HJURP: variants seen among roughly 807,000 people sequenced by gnomAD.
The protein encoded by HJURP is Holliday junction recognition protein.
Under a neutral mutation model 72.0 loss-of-function variants are expected in HJURP, and 49 were observed. That is an observed-to-expected ratio of 0.68 (90% CI 0.54 to 0.86). HJURP has a LOEUF of 0.86. HJURP is among the 40% of genes least tolerant of loss of function. The pLI, the probability that HJURP is intolerant of heterozygous loss-of-function variation, is 0.00. For synonymous variants in HJURP, 357 were observed against 347.1 expected (o/e 1.03, Z -0.32); for missense variants, 908 against 936.3 (o/e 0.97, Z 0.39).
intron 4 of HJURP, 46 bp from the exon 5 acceptor site, chr2:233,847,507 G>A (rs769590620): frequency 5.9e-6 from 9 of 1,519,194 alleles, no homozygotes; most frequent in Non-Finnish European, 8.2e-6. Flanking sequence ...TCAGGAAGGA[G>A]TGCATTTTCC....
intron 7 of HJURP, 31 bp downstream of exon 7, chr2:233,844,174 A>G (rs748715097): frequency 6.3e-7 from 1 of 1,593,876 alleles, no homozygotes; most frequent in South Asian, 1.1e-5. Context: ...GGAAACACGC[A>G]CTGTTCATAC....
chr2:233,844,004 G>A (rs1425135724), intron 7 of HJURP, among the ~76,000 whole-genome samples: 3 of 152,212 alleles, frequency 2.0e-5, no homozygotes, highest in Non-Finnish European at 2.9e-5. Context: ...GGAATAAAGA[G>A]CAGACGTGGA....
intron 7 of HJURP, among the ~76,000 whole-genome samples, chr2:233,843,791 T>G (rs1705289249): frequency 6.6e-6 from 1 of 152,200 alleles, no homozygotes; most frequent in African/African-American, 2.4e-5. Context: ...TAAAGGAGAA[T>G]TAGCCGATTT....
intron 8 of HJURP, among the ~76,000 whole-genome samples, chr2:233,837,952 A>G (rs1049212506): frequency 6.6e-6 from 1 of 152,248 alleles, no homozygotes; most frequent in Non-Finnish European, 1.5e-5. Flanking sequence ...CTAAGACTTA[A>G]GCTACTTTTC....
chr2:233,841,460 C>T lies in HJURP; in HGVS notation c.1320G>A (p.Gln440=). The T allele has an allele frequency of 6.2e-7, 1 of 1,614,176 alleles. No individual in the cohort carries two copies. Among genetic ancestry groups the T allele is most frequent in the Non-Finnish European group, 8.5e-7 (1 of 1,180,038 alleles). Residue 440 remains glutamine, a synonymous_variant, in exon 8 of 9, where the codon CAG becomes CAA. Coordinates refer to ENST00000411486, the MANE Select transcript of HJURP (RefSeq NM_018410.5). ...RQREIEIRFD[Q]LHREYCLSPR... Reference sequence around the variant, plus strand: ...GACTCAGGCAATATTCCCGATGAAGCTGATCAAATCGGATTTCAATCTCCC... The same window carrying T: ...GACTCAGGCAATATTCCCGATGAAGTTGATCAAATCGGATTTCAATCTCCC...
chr2:233,848,893 C>T (rs1272178855), intron 4 of HJURP, among the ~76,000 whole-genome samples: 5 of 152,034 alleles, frequency 3.3e-5, no homozygotes, highest in Non-Finnish European at 7.3e-5. Context: ...CTTGGAAGGA[C>T]GAAGACAGAA....
chr2:233,840,961 C>A lies in HJURP; in HGVS notation c.1819G>T (p.Val607Leu). ...TCCATACTTGCTTTATCTGTAGACA[C>A]TCCAATACATAAAGGCACTGTCATC... is the stretch of plus-strand genomic sequence containing the variant. ...GQMTVPLCIGVSTDKASMEVR... is the reference protein window; with the variant it reads ...GQMTVPLCIGLSTDKASMEVR... Residue 607 changes from valine to leucine, a missense_variant, in exon 8 of 9, where the codon GTG becomes TTG. By Grantham distance (32) the Val-to-Leu change is conservative (BLOSUM62 1). Transcript: ENST00000411486. 1 of 1,614,168 alleles carries A rather than the reference C, an allele frequency of 6.2e-7. No individual in the cohort carries two copies. The highest frequency in any genetic ancestry group is 8.5e-7 in the Non-Finnish European group (1 of 1,180,024).
chr2:233,853,879 A>G lies in HJURP; in HGVS notation c.149T>C (p.Val50Ala). The G allele has an allele frequency of 6.2e-7, 1 of 1,614,046 alleles. No homozygotes were observed. Among genetic ancestry groups the G allele is most frequent in the Non-Finnish European group, 8.5e-7 (1 of 1,179,958 alleles). The change falls in exon 2 of 9, where the codon GTG (valine) becomes GCG (alanine). Residue 50 changes from valine to alanine, a missense_variant. This residue lies in a region of HJURP where 299 missense variants were observed against 286.7 expected (regional missense o/e 1.04). Transcript: ENST00000411486. ...YNQPFEDTPV[V>A]QMATLTYETP... ...CTCGTAGGTCAGCGTGGCCATTTGC[A>G]CCACCGGGGTGTCCTCGAAGGGCTG... is the stretch of plus-strand genomic sequence containing the variant.
In HJURP at chr2:233,841,420, G is replaced by A. The variant is rs770064280; in HGVS notation, c.1360C>T (p.Arg454Cys). The A allele has an allele frequency of 1.2e-5, 19 of 1,614,018 alleles. No individual in the cohort carries two copies. The East Asian group carries it at 1.6e-4, about 13-fold the overall frequency. ...CAGGAGTCCGGGAGGCACATCCGGC[G>A]AGGCTGGTTCCTGGGACTCAGGCAA... Reference protein sequence around the residue: ...EYCLSPRNQPRRMCLPDSWAM... With the variant: ...EYCLSPRNQPCRMCLPDSWAM... The change falls in exon 8 of 9, where the codon CGC becomes TGC. Residue 454 changes from arginine to cysteine, a missense_variant. This residue lies in a region of HJURP where 598 missense variants were observed against 619.5 expected (regional missense o/e 0.97). Transcript: ENST00000411486.
At chr2:233,847,735 G>T (rs965903981) in intron 4 of HJURP, among the ~76,000 whole-genome samples, 1 of 152,194 alleles carries the variant, frequency 6.6e-6, no homozygotes, top group Non-Finnish European at 1.5e-5. Flanking sequence ...AAGTTGAGAC[G>T]CTCAAGCCCA....
chr2:233,850,852 A>G (rs1326095128), intron 3 of HJURP, among the ~76,000 whole-genome samples: 1 of 152,212 alleles, frequency 6.6e-6, no homozygotes, highest in Admixed American at 6.5e-5. Context: ...TACAAACAGA[A>G]CCCAGGCATT....
intron 7 of HJURP, among the ~76,000 whole-genome samples, chr2:233,843,925 C>T (rs367934096): frequency 6.6e-6 from 1 of 152,190 alleles, no homozygotes; most frequent in East Asian, 1.9e-4. Flanking sequence ...AATTGTGAAA[C>T]AAGTGAAGGG....
rs762756079 is a variant in HJURP at position 233,840,735 on chromosome 2, C to G, written c.2045G>C (p.Arg682Thr). Reference protein sequence around the residue: ...GTRDHQFPAKRPRLSEPQGSG... With the variant: ...GTRDHQFPAKTPRLSEPQGSG... The stretch of plus-strand genomic sequence containing the variant: ...GCCCTGGGGTTCTGATAGCCTGGGT[C>G]TTTTTGCAGGGAACTGATGGTCCCT... Residue 682 changes from arginine to threonine, a missense_variant, in exon 8 of 9, where the codon AGA becomes ACA. Arg to Thr is a moderately conservative substitution (Grantham distance 71). This residue lies in a region of HJURP where 598 missense variants were observed against 619.5 expected (regional missense o/e 0.97). Transcript: ENST00000411486. 1 of 1,614,108 alleles carries G rather than the reference C, an allele frequency of 6.2e-7. No individual in the cohort carries two copies. Among genetic ancestry groups the G allele is most frequent in the African/African-American group, 1.3e-5 (1 of 75,010 alleles).
chr2:233,844,228 G>A lies in HJURP; in HGVS notation c.551C>T (p.Ala184Val), dbSNP rs1312513957. Reference sequence around the variant, plus strand: ...ACCGGGGGCAGGCACGGCAGGTGAGGCCAGTGAAGGCAGCGGAGTCACACG... The same window carrying A: ...ACCGGGGGCAGGCACGGCAGGTGAGACCAGTGAAGGCAGCGGAGTCACACG... ...DVRVTPLPSL[A>V]SPAVPAPGYC... is the part of the protein sequence containing the mutation. The change falls in exon 7 of 9, where the codon GCC becomes GTC. Residue 184 changes from alanine (A) to valine (V), a missense_variant. By Grantham distance (64) the Ala-to-Val change is moderately conservative. This residue lies in a region of HJURP where 299 missense variants were observed against 286.7 expected (regional missense o/e 1.04). Transcript: ENST00000411486. The A allele has an allele frequency of 1.2e-6, 2 of 1,614,006 alleles. No individual in the cohort carries two copies. Among genetic ancestry groups the A allele is most frequent in the Admixed American group, 1.7e-5 (1 of 59,998 alleles).
chr2:233,845,494 A>G (rs1346522725), intron 6 of HJURP, among the ~76,000 whole-genome samples: 2 of 152,202 alleles, frequency 1.3e-5, no homozygotes, highest in African/African-American at 4.8e-5. Flanking sequence ...AACAGTGGGC[A>G]GAGCACCCCT....
chr2:233,837,416 A>C lies in HJURP; in HGVS notation c.*161T>G, dbSNP rs1705103367. The C allele has an allele frequency of 1.7e-6, 1 of 601,966 alleles. No homozygotes were observed. Among genetic ancestry groups the C allele is most frequent in the Non-Finnish European group, 2.9e-6 (1 of 341,518 alleles). 37.3% of individuals were successfully genotyped at this position (601,966 alleles called of 1,614,324 possible). ...GCAACTTTATTCACATAATTTCTAC[A>C]CCAAGAACTCGAGGTTATCTCTGAT... On this transcript the variant is annotated 3_prime_UTR_variant, in exon 9 of 9. Transcript: ENST00000411486.
chr2:233,852,397 A>C (rs1426695503), intron 3 of HJURP, among the ~76,000 whole-genome samples, 168 bp downstream of exon 3: 6 of 152,220 alleles, frequency 3.9e-5, no homozygotes, highest in African/African-American at 1.4e-4. Context: ...GACAAGCTAC[A>C]GAAGAAATGC....
chr2:233,840,486 C>T lies in HJURP; in HGVS notation c.2171+123G>A, dbSNP rs1366699258. ...TTTGGGAGAAAGCTCAGAAAATGAT[C>T]ACGTATGTAAGAATTCGGCTGAGAT... On this transcript the variant is annotated intron_variant, in intron 8 of 8. Transcript: ENST00000411486. 9.2e-6 allele frequency: 9 copies of T among 976,078 alleles called. No homozygotes were observed. The East Asian group carries it at 2.2e-4, about 24-fold the overall frequency. The allele number at this position is 976,078 out of a possible 1,614,324, so 60.5% of individuals were successfully genotyped here. A position where few individuals can be genotyped will look rare whatever the true frequency, so the allele number is the denominator to read the frequency against.
At chr2:233,844,317 T>C (rs1333837870) in intron 6 of HJURP, 34 bp from the exon 7 acceptor site, 17 of 1,578,354 alleles carry the variant, frequency 1.1e-5, no homozygotes, top group Non-Finnish European at 1.4e-5. Context: ...AAGAAAAAAG[T>C]TGCCAGGTGT....
Sources: allele counts gnomAD v4.1 joint callset (sites outside exome capture counted in the v4.1 genomes callset), GRCh38; gene constraint gnomAD v4.1.1; regional missense constraint gnomAD v4.1.1; transcripts MANE v1.5; gene names NCBI Gene and HGNC (gene_info 2026-07-23, HGNC 2026-07-21).